ANKRD17: variants seen among roughly 807,000 people sequenced by gnomAD.
ANKRD17 encodes the protein ankyrin repeat domain 17.
Under a neutral mutation model 229.7 loss-of-function variants are expected in ANKRD17, and 19 were observed. The ratio of observed to expected loss-of-function variants is 0.08; its 90% CI spans 0.06 to 0.12. ANKRD17 has a LOEUF of 0.12. Among genes scored for constraint, ANKRD17 ranks in the 10% least tolerant of loss-of-function variants. The pLI, the probability that ANKRD17 is intolerant of heterozygous loss-of-function variation, is 1.00. For missense variants in ANKRD17, 2,176 were observed against 3,176.8 expected, an observed-to-expected ratio of 0.68 and a Z score of 7.57; for synonymous variants, 1,112 against 1,146.1, an observed-to-expected ratio of 0.97 and a Z score of 0.60.
At chr4:73,094,279 T>C (rs780018622) in intron 27 of ANKRD17, 51 bp from the exon 28 acceptor site, 2 of 1,498,170 alleles carry the variant, frequency 1.3e-6, no homozygotes, top group Admixed American at 1.8e-5. Flanking sequence ...ACAATAGTTA[T>C]TGTAATTTTT....
chr4:73,142,864 T>C, intron 11 of ANKRD17, 97 bp from the exon 12 acceptor site: 3 of 1,356,858 alleles, frequency 2.2e-6, no homozygotes, highest in Non-Finnish European at 3.0e-6. Context: ...AAAATAGTAT[T>C]ATGAGGCTCC....
intron 2 of ANKRD17, among the ~76,000 whole-genome samples, chr4:73,162,720 A>G (rs1309560952): frequency 6.6e-6 from 1 of 152,178 alleles, no homozygotes; most frequent in Non-Finnish European, 1.5e-5. Flanking sequence ...AACCATCTAT[A>G]TGAAACCTAA....
chr4:73,139,451 A>T (rs1338878828), intron 15 of ANKRD17, 80 bp downstream of exon 15: 7 of 1,506,814 alleles, frequency 4.6e-6, no homozygotes, highest in Non-Finnish European at 6.2e-6. Flanking sequence ...CAAGTTGGGT[A>T]ACGGCAAAAA....
At chr4:73,134,797 A>G (rs531168373) in intron 16 of ANKRD17, among the ~76,000 whole-genome samples, 12 of 152,098 alleles carry the variant, frequency 7.9e-5, no homozygotes, top group Non-Finnish European at 1.5e-4. Flanking sequence ...ATTTCAAACC[A>G]TATCTTCTAT....
At position 73,073,952 on chromosome 4, in the gene ANKRD17, A is replaced by T. The variant is rs1720859176; in HGVS notation, c.*2279T>A. 6.6e-6 allele frequency: 1 copy of T among 152,080 alleles called. No homozygotes were observed. Among genetic ancestry groups the T allele is most frequent in the South Asian group, 2.1e-4 (1 of 4,836 alleles). The allele number at this position is 152,080 out of a possible 1,614,324, so 9.4% of individuals were successfully genotyped here. A position where few individuals can be genotyped will look rare whatever the true frequency, so the allele number is the denominator to read the frequency against. ...TACCACATATTTTCAAAATTAAAAA[A>T]TAAAAGACCTTCATGGTCTCAAAAA... On this transcript the variant is annotated 3_prime_UTR_variant, in exon 34 of 34. Coordinates refer to ENST00000358602, the MANE Select transcript of ANKRD17 (RefSeq NM_032217.5).
rs776363053 is a variant in ANKRD17 at position 73,141,857 on chromosome 4, C to G, written c.2230-14G>C. On this transcript the variant is annotated splice_polypyrimidine_tract_variant and intron_variant, in intron 13 of 33. Coordinates refer to ENST00000358602, the MANE Select transcript of ANKRD17 (RefSeq NM_032217.5). ...TACACGAGGAGCCTAAGACAAAGGA[C>G]ACTAAGTGACTATTAGTGTCCTACA... 1 of 1,599,000 alleles carries G rather than the reference C, an allele frequency of 6.3e-7. No individual in the cohort carries two copies. Among genetic ancestry groups the G allele is most frequent in the Non-Finnish European group, 8.6e-7 (1 of 1,167,140 alleles).
intron 1 of ANKRD17, 52 bp from the exon 2 acceptor site, chr4:73,177,585 G>A (rs759510986): frequency 7.3e-6 from 10 of 1,371,374 alleles, no homozygotes; most frequent in Non-Finnish European, 1.0e-5. Context: ...ACAGCGAAAG[G>A]AAAAGAGGGG....
chr4:73,191,707 C>T (rs1284839490), intron 1 of ANKRD17, among the ~76,000 whole-genome samples: 1 of 151,932 alleles, frequency 6.6e-6, no homozygotes, highest in Middle Eastern at 3.4e-3. Context: ...CAAAATATTA[C>T]AGAGTAGGCA....
At position 73,101,267 on chromosome 4, in the gene ANKRD17, T is replaced by A. The variant is rs1413545676; in HGVS notation, c.4573+1109A>T. On this transcript the variant is annotated intron_variant, in intron 25 of 33. Coordinates refer to ENST00000358602, the MANE Select transcript of ANKRD17 (RefSeq NM_032217.5). Reference sequence around the variant, plus strand: ...AAAATGATTCCTTCATTTGAAGAAATCGATGATCTGGATTGTAGATGATAT... The same window carrying A: ...AAAATGATTCCTTCATTTGAAGAAAACGATGATCTGGATTGTAGATGATAT... 6.3e-6 allele frequency: 6 copies of A among 948,960 alleles called. No homozygotes were observed. The Admixed American group carries it at 3.7e-4, about 58-fold the overall frequency. 58.8% of individuals were successfully genotyped at this position (948,960 alleles called of 1,614,324 possible). A position where few individuals can be genotyped will look rare whatever the true frequency, so the allele number is the denominator to read the frequency against.
chr4:73,086,930 A>ATATATATATG (rs1722237659), intron 29 of ANKRD17, among the ~76,000 whole-genome samples: 1 of 68,352 alleles, frequency 1.5e-5, no homozygotes, highest in African/African-American at 5.8e-5. Context: ...ATATATATAT[A>ATATATATATG]TATATATATA....
At chr4:73,179,504 A>G (rs1466592785) in intron 1 of ANKRD17, among the ~76,000 whole-genome samples, 1 of 77,982 alleles carries the variant, frequency 1.3e-5, no homozygotes, top group Non-Finnish European at 2.7e-5. Flanking sequence ...ATATATATAT[A>G]TATATATATA....
chr4:73,193,923 C>T (rs1276408989), intron 1 of ANKRD17, among the ~76,000 whole-genome samples: 1 of 152,080 alleles, frequency 6.6e-6, no homozygotes. Flanking sequence ...CAGAGTGAAA[C>T]CTTGTCTCAA....
chr4:73,222,425 T>A (rs1336958462), intron 1 of ANKRD17, among the ~76,000 whole-genome samples: 10 of 152,196 alleles, frequency 6.6e-5, no homozygotes, highest in African/African-American at 2.4e-4. Flanking sequence ...TTCAGGGTTT[T>A]AATATTTTTA....
intron 1 of ANKRD17, among the ~76,000 whole-genome samples, chr4:73,196,096 C>T (rs867431949): frequency 6.6e-6 from 1 of 151,012 alleles, no homozygotes; most frequent in Non-Finnish European, 1.5e-5. Flanking sequence ...CCTCTGCCTC[C>T]CAGAGTGATT....
intron 30 of ANKRD17, chr4:73,080,806 A>C (rs1414062274): frequency 6.6e-6 from 1 of 152,150 alleles, no homozygotes; most frequent in African/African-American, 2.4e-5. Context: ...ACAACCTTCC[A>C]CATTGTTTTG....
intron 3 of ANKRD17, among the ~76,000 whole-genome samples, chr4:73,156,381 T>A (rs964085945): frequency 1.3e-5 from 2 of 152,168 alleles, no homozygotes; most frequent in Non-Finnish European, 2.9e-5. Flanking sequence ...AGCACTAGGA[T>A]TACAGATGTG....
At chr4:73,208,689 G>A (rs1445220165) in intron 1 of ANKRD17, among the ~76,000 whole-genome samples, 3 of 151,898 alleles carry the variant, frequency 2.0e-5, no homozygotes, top group Admixed American at 6.6e-5. Flanking sequence ...GAAATCCAGG[G>A]GAAATTAGAA....
At chr4:73,237,479 G>C (rs1240024210) in intron 1 of ANKRD17, among the ~76,000 whole-genome samples, 1 of 152,198 alleles carries the variant, frequency 6.6e-6, no homozygotes, top group Non-Finnish European at 1.5e-5. Flanking sequence ...AGTTTAGGTG[G>C]CAGCCAGAAA....
intron 1 of ANKRD17, among the ~76,000 whole-genome samples, chr4:73,224,423 C>A (rs777380960): frequency 5.3e-5 from 8 of 152,054 alleles, no homozygotes; most frequent in African/African-American, 1.9e-4. Flanking sequence ...CTTGAAATAT[C>A]AGAAACTGCT....
Sources: gnomAD v4.1 joint callset for allele counts (sites outside exome capture counted in the v4.1 genomes callset) on GRCh38, gnomAD v4.1.1 for gene constraint, MANE v1.5 for transcripts, NCBI Gene and HGNC (gene_info 2026-07-23, HGNC 2026-07-21) for gene names.